The following ADAM15 variants were observed in gnomAD, a reference collection of about 807,000 sequenced individuals.
ADAM15 encodes ADAM metallopeptidase domain 15, also known as disintegrin and metalloproteinase domain-containing protein 15.
A neutral mutation model predicts 113.8 loss-of-function variants in ADAM15; 77 were observed. The observed-to-expected ratio is 0.68, with a 90% CI of 0.56 to 0.82. The LOEUF is 0.82. Among genes scored for constraint, ADAM15 ranks in the 40% least tolerant of loss-of-function variants. ADAM15 has a pLI of 0.00. For missense variants in ADAM15, 963 were observed against 1,120.1 expected, an observed-to-expected ratio of 0.86 and a Z score of 2.00; for synonymous variants, 388 against 454.1, an observed-to-expected ratio of 0.85 and a Z score of 1.85.
At position 155,058,960 on chromosome 1, in the gene ADAM15, A is replaced by G. The variant is rs1271863963; in HGVS notation, c.1995+173A>G. Among the ~76,000 whole-genome samples, 1 of 152,200 alleles carries G rather than the reference A, an allele frequency of 6.6e-6. No homozygotes were observed. The highest frequency in any genetic ancestry group is 2.4e-5 in the African/African-American group (1 of 41,442). ...TGAGCTCAGTTTCCCCACCTATCAA[A>G]TGGCTATAATAATAGTATCCCCATC... On this transcript the variant is annotated intron_variant, in intron 16 of 22. Coordinates refer to ENST00000356955, the MANE Select transcript of ADAM15 (RefSeq NM_207197.3). The surrounding 1 kb of genome is among the most constrained non-coding windows in gnomAD (Gnocchi z 4.3).
At chr1:155,052,544 T>C in intron 1 of ADAM15, 127 bp from the exon 2 acceptor site, 2 of 1,549,522 alleles carry the variant, frequency 1.3e-6, no homozygotes, top group South Asian at 2.4e-5. Flanking sequence ...CAGCATGCAA[T>C]GTGGAAGCCC....
intron 20 of ADAM15, 108 bp downstream of exon 20, chr1:155,061,597 C>CG: frequency 8.1e-7 from 1 of 1,228,216 alleles, no homozygotes; most frequent in Non-Finnish European, 1.1e-6. Context: ...ATTAGGTGAT[C>CG]GGGGTGCCCC....
In ADAM15 at chr1:155,058,083, C is replaced by T; in HGVS notation, c.1649C>T (p.Ala550Val). 1 of 1,614,130 alleles carries T rather than the reference C, an allele frequency of 6.2e-7. No homozygotes were observed. The highest frequency in any genetic ancestry group is 8.5e-7 in the Non-Finnish European group (1 of 1,179,978). Reference sequence around the variant, plus strand: ...GCTGCGCCACTTTGCCTCCAGACAGCTAATACTCGGGGAAATGCTTTTGGG... The same window carrying T: ...GCTGCGCCACTTTGCCTCCAGACAGTTAATACTCGGGGAAATGCTTTTGGG... The part of the protein sequence containing the change: ...QPAAPLCLQT[A>V]NTRGNAFGSC... The change falls in exon 14 of 23, where the codon GCT becomes GTT. Residue 550 changes from alanine (A) to valine (V), a missense_variant. By Grantham distance (64) the Ala-to-Val change is moderately conservative. Coordinates refer to ENST00000356955, the MANE Select transcript of ADAM15 (RefSeq NM_207197.3). The surrounding 1 kb of genome is among the most constrained non-coding windows in gnomAD (Gnocchi z 4.3).
At chr1:155,053,774 C>G in intron 3 of ADAM15, 136 bp from the exon 4 acceptor site, 3 of 992,590 alleles carry the variant, frequency 3.0e-6, no homozygotes, top group Non-Finnish European at 4.5e-6. Flanking sequence ...ACTTTGCTGC[C>G]CCGGGGTCAG....
rs923952573 is a variant in ADAM15 at position 155,051,463 on chromosome 1, T to A, written c.77T>A (p.Ile26Lys). ...CTGCCTTCCTGGCCGCTCCCAAATA[T>A]AGGTGAGTCCTCCGCCTGGAGTGGG... Reference protein sequence around the residue: ...SPLPSWPLPNIGGTEEQQAES... With the variant: ...SPLPSWPLPNKGGTEEQQAES... The change falls in exon 1 of 23, where the codon ATA (isoleucine) becomes AAA (lysine). Residue 26 changes from isoleucine (I) to lysine (K), a missense_variant and splice_region_variant. Physicochemically the swap from Ile to Lys is moderately radical, Grantham distance 102. Transcript: ENST00000356955. 1.9e-6 allele frequency: 3 copies of A among 1,563,458 alleles called. No individual in the cohort carries two copies. The highest frequency in any genetic ancestry group is 1.9e-5 in the Admixed American group (1 of 52,686).
At chr1:155,053,396 C>G (rs1431533800) in intron 2 of ADAM15, 21 bp from the exon 3 acceptor site, 1 of 1,613,180 alleles carries the variant, frequency 6.2e-7, no homozygotes, top group Admixed American at 1.7e-5. Context: ...AGGGAGGTGA[C>G]CTGCCCTCTG....
At position 155,061,429 on chromosome 1, in the gene ADAM15, C is replaced by T; in HGVS notation, c.2292C>T (p.Leu764=). The change falls in exon 20 of 23, where the codon CTC becomes CTT. Residue 764 remains leucine, a synonymous_variant. Transcript: ENST00000356955. The part of the protein sequence containing the change: ...LARGTKQASA[L]SFPAPPSRPL... ...TGCCCTCTCAGCAGGCTAGTGCTCT[C>T]AGCTTCCCGGCCCCCCCTTCCAGGC... The T allele has an allele frequency of 6.2e-7, 1 of 1,613,802 alleles. No individual in the cohort carries two copies.
In ADAM15 at chr1:155,053,981, A is replaced by G; in HGVS notation, c.335A>G (p.His112Arg). The G allele has an allele frequency of 6.2e-7, 1 of 1,614,174 alleles. No individual in the cohort carries two copies. Among genetic ancestry groups the G allele is most frequent in the Non-Finnish European group, 8.5e-7 (1 of 1,180,030 alleles). The change falls in exon 4 of 23, where the codon CAC becomes CGC. Residue 112 changes from histidine (H) to arginine (R), a missense_variant. His to Arg is a conservative substitution (Grantham distance 29, BLOSUM62 0). Transcript: ENST00000356955. ...GGCACTCGGGTGGTCAGTGAGGGAC[A>G]CACTTTGGTGAGTCAGGCCCTCTTG... ...PDGTRVVSEG[H>R]TLENCCYQGR...
Position 155,058,112 on chromosome 1 carries a change from T to G in ADAM15, c.1678T>G (p.Cys560Gly), listed in dbSNP as rs1662048445. The change falls in exon 14 of 23, where the codon TGT becomes GGT. Residue 560 changes from cysteine to glycine, a missense_variant. By Grantham distance (159) the Cys-to-Gly change is radical. Transcript: ENST00000356955. The surrounding 1 kb of genome is among the most constrained non-coding windows in gnomAD (Gnocchi z 4.3). ...TACTCGGGGAAATGCTTTTGGGAGCTGTGGGCGCAACCCCAGTGGCAGTTA... is the reference window on the plus strand; with the variant it reads ...TACTCGGGGAAATGCTTTTGGGAGCGGTGGGCGCAACCCCAGTGGCAGTTA... The part of the protein sequence containing the change: ...ANTRGNAFGS[C>G]GRNPSGSYVS... 1.9e-6 allele frequency: 3 copies of G among 1,613,684 alleles called. No individual in the cohort carries two copies. Among genetic ancestry groups the G allele is most frequent in the Non-Finnish European group, 2.5e-6 (3 of 1,179,610 alleles).
chr1:155,054,777 G>A (rs1661539508), intron 6 of ADAM15, among the ~76,000 whole-genome samples: 1 of 152,122 alleles, frequency 6.6e-6, no homozygotes. Context: ...GGCCGAAGTG[G>A]AAGAATCGCT....
At chr1:155,052,622 CT>C in intron 1 of ADAM15, 48 bp from the exon 2 acceptor site, 2 of 1,561,558 alleles carry the variant, frequency 1.3e-6, no homozygotes, top group Non-Finnish European at 1.7e-6. Context: ...ACCCCCAGCC[CT>C]GCTGTCGATT....
At chr1:155,053,382 G>C (rs899421718) in intron 2 of ADAM15, 35 bp from the exon 3 acceptor site, 8 of 1,606,144 alleles carry the variant, frequency 5.0e-6, no homozygotes, top group Non-Finnish European at 6.0e-6. Context: ...TTGTGGACAG[G>C]TCTAGGGAGG....
intron 1 of ADAM15, chr1:155,052,323 G>T (rs942136980): frequency 4.8e-6 from 3 of 630,756 alleles, no homozygotes; most frequent in South Asian, 3.9e-5. Flanking sequence ...AGTCTCGAGA[G>T]GGGGCGTTCC....
rs184606252 is a variant in ADAM15 at position 155,059,311 on chromosome 1, C to G, written c.1995+524C>G. ...TGAACTTCTGACCTCAAGTGATCCT[C>G]CCGCCTCAGCCTCCCAAAGTGCTGG... On this transcript the variant is annotated intron_variant, in intron 16 of 22. Coordinates refer to ENST00000356955, the MANE Select transcript of ADAM15 (RefSeq NM_207197.3). 1.2e-3 allele frequency among the ~76,000 whole-genome samples: 181 copies of G among 152,236 alleles called. No individual in the cohort carries two copies. The Middle Eastern group carries it at 0.014, about 11-fold the overall frequency.
Position 155,057,369 on chromosome 1 carries a change from C to T in ADAM15, c.1323+7C>T. 6.2e-7 allele frequency: 1 copy of T among 1,613,996 alleles called. No individual in the cohort carries two copies. The highest frequency in any genetic ancestry group is 8.5e-7 in the Non-Finnish European group (1 of 1,179,916). On this transcript the variant is annotated splice_region_variant and intron_variant, in intron 12 of 22. Transcript: ENST00000356955. This position sits in a 1 kb window ranked among gnomAD's most constrained non-coding sequence, Gnocchi z 5.0. The stretch of plus-strand genomic sequence containing the variant: ...TGACTGTGGCTTCCTGGATGTGAGC[C>T]CCTTTCCCAAAGCCTCGCCCCACTC...
In ADAM15 at chr1:155,061,921, A is replaced by C. The variant is rs1403096300; in HGVS notation, c.2370A>C (p.Arg790=). The C allele has an allele frequency of 6.4e-7, 1 of 1,551,804 alleles. No homozygotes were observed. The highest frequency in any genetic ancestry group is 8.7e-7 in the Non-Finnish European group (1 of 1,146,266). ...SKRLQAELAD[R]PNPPTRPLPA... Reference sequence around the variant, plus strand: ...CTGTTCAGGCTGAGCTGGCTGACCGACCCAATCCCCCTACCCGCCCTCTGC... The same window carrying C: ...CTGTTCAGGCTGAGCTGGCTGACCGCCCCAATCCCCCTACCCGCCCTCTGC... The change falls in exon 21 of 23, where the codon CGA becomes CGC. Residue 790 remains arginine, a synonymous_variant. Coordinates refer to ENST00000356955, the MANE Select transcript of ADAM15 (RefSeq NM_207197.3).
rs1361615457 is a variant in ADAM15, at chr1:155,056,089, C to T, written c.754C>T (p.Pro252Ser). 5.0e-6 allele frequency: 8 copies of T among 1,613,418 alleles called. No homozygotes were observed. Among genetic ancestry groups the T allele is most frequent in the Non-Finnish European group, 6.8e-6 (8 of 1,180,032 alleles). ...CCCAGCTGTCTTTCAGTTCTTCCGGCCCCTGAATGTACGAGTGGCACTAGT... is the reference window on the plus strand; with the variant it reads ...CCCAGCTGTCTTTCAGTTCTTCCGGTCCCTGAATGTACGAGTGGCACTAGT... ...VALLLDTFFR[P>S]LNVRVALVGL... Residue 252 changes from proline to serine, a missense_variant, in exon 9 of 23, where the codon CCC becomes TCC. Coordinates refer to ENST00000356955, the MANE Select transcript of ADAM15 (RefSeq NM_207197.3). This position sits in a 1 kb window ranked among gnomAD's most constrained non-coding sequence, Gnocchi z 4.0.
chr1:155,060,076 T>C, intron 17 of ADAM15, 102 bp downstream of exon 17: 1 of 1,572,482 alleles, frequency 6.4e-7, no homozygotes, highest in Non-Finnish European at 8.7e-7. Flanking sequence ...TTGCTGCTGG[T>C]TCCCTGAGTC....
intron 1 of ADAM15, chr1:155,052,403 C>T (rs1661168063): frequency 8.3e-7 from 1 of 1,211,138 alleles, no homozygotes; most frequent in Non-Finnish European, 1.1e-6. Context: ...TGGGATTGGC[C>T]GGAAGGGGAC....
Sources: allele counts gnomAD v4.1 joint callset (sites outside exome capture counted in the v4.1 genomes callset), GRCh38; gene constraint gnomAD v4.1.1; non-coding constraint Gnocchi (gnomAD v3.1); transcripts MANE v1.5; gene names NCBI Gene and HGNC (gene_info 2026-07-23, HGNC 2026-07-21).